PCDHGA11: variants seen among roughly 807,000 people sequenced by gnomAD.
PCDHGA11 encodes protocadherin gamma-A11.
A neutral mutation model predicts 60.4 loss-of-function variants in PCDHGA11; 39 were observed. The observed-to-expected ratio is 0.65, with a 90% CI of 0.50 to 0.84. The LOEUF is 0.84. Ranked by LOEUF, PCDHGA11 falls within the 40% of genes least tolerant of loss-of-function variation. The pLI, the probability that PCDHGA11 is intolerant of heterozygous loss-of-function variation, is 0.00. For synonymous variants in PCDHGA11, 533 were observed against 510.3 expected, an observed-to-expected ratio of 1.04 and a Z score of -0.60; for missense variants, 1,165 against 1,197.7, an observed-to-expected ratio of 0.97 and a Z score of 0.40.
Position 141,421,806 on chromosome 5 carries a change from A to G in PCDHGA11, c.579A>G (p.Pro193=). The G allele has an allele frequency of 6.2e-7, 1 of 1,613,842 alleles. No homozygotes were observed. The highest frequency in any genetic ancestry group is 8.5e-7 in the Non-Finnish European group (1 of 1,179,878). ...LRGRTDGAKN[P]ELVLEGSLDR... ...GCAGAACGGATGGGGCCAAGAATCC[A>G]GAGCTAGTACTGGAGGGAAGCCTGG... The change falls in exon 1 of 4, where the codon CCA becomes CCG. Residue 193 remains proline, a synonymous_variant. Transcript: ENST00000398587.
intron 1 of PCDHGA11, among the ~76,000 whole-genome samples, chr5:141,481,749 C>G (rs958851030): frequency 7.9e-5 from 12 of 151,976 alleles, no homozygotes; most frequent in African/African-American, 2.9e-4. Context: ...GTCAGGAGTC[C>G]AAGACCAGCC....
At position 141,432,232 on chromosome 5, in the gene PCDHGA11, G is replaced by A. The variant is rs766929605; in HGVS notation, c.2433+8572G>A. Reference sequence around the variant, plus strand: ...AGAACGCCCAGATCACTTATTCCCTGGCTGAGAACACCATCCAAGGGGCAA... The same window carrying A: ...AGAACGCCCAGATCACTTATTCCCTAGCTGAGAACACCATCCAAGGGGCAA... On this transcript the variant is annotated intron_variant, in intron 1 of 3. Coordinates refer to ENST00000398587, the MANE Select transcript of PCDHGA11 (RefSeq NM_018914.3). The surrounding 1 kb of genome is among the most constrained non-coding windows in gnomAD (Gnocchi z 6.0). The A allele has an allele frequency of 6.2e-7, 1 of 1,614,188 alleles. No homozygotes were observed. The highest frequency in any genetic ancestry group is 1.6e-4 in the Middle Eastern group (1 of 6,062).
intron 1 of PCDHGA11, among the ~76,000 whole-genome samples, chr5:141,473,343 T>C (rs1309426537): frequency 6.6e-6 from 1 of 152,218 alleles, no homozygotes; most frequent in Non-Finnish European, 1.5e-5. Flanking sequence ...TGCTAGACAG[T>C]GAGGATGCAA....
intron 1 of PCDHGA11, chr5:141,479,537 T>C (rs1299169562): frequency 6.6e-6 from 1 of 152,230 alleles, no homozygotes; most frequent in Non-Finnish European, 1.5e-5. Context: ...GTGGAGAAGG[T>C]CAAAACTGCT....
In PCDHGA11 at chr5:141,432,142, C is replaced by T; in HGVS notation, c.2433+8482C>T. 1 of 1,614,098 alleles carries T rather than the reference C, an allele frequency of 6.2e-7. No individual in the cohort carries two copies. Among genetic ancestry groups the T allele is most frequent in the Non-Finnish European group, 8.5e-7 (1 of 1,180,016 alleles). On this transcript the variant is annotated intron_variant, in intron 1 of 3. Transcript: ENST00000398587. This position sits in a 1 kb window ranked among gnomAD's most constrained non-coding sequence, Gnocchi z 6.0. Reference sequence around the variant, plus strand: ...CTCAGGCCTCCTATTCCGCTTATATCCCAGAGAACAATCCCAGAGGAGTTT... The same window carrying T: ...CTCAGGCCTCCTATTCCGCTTATATTCCAGAGAACAATCCCAGAGGAGTTT...
At chr5:141,436,104 G>A (rs368559994) in intron 1 of PCDHGA11, among the ~76,000 whole-genome samples, 10 of 152,086 alleles carry the variant, frequency 6.6e-5, no homozygotes, top group East Asian at 3.9e-4. Flanking sequence ...AGAAATAGAG[G>A]ACAATGAAAC....
In PCDHGA11 at chr5:141,431,538, A is replaced by G; in HGVS notation, c.2433+7878A>G. ...CCGGAGAATCTGGCCTTGGGCACGC[A>G]GCTGCTTGTAGTCAACGCTACCGAC... is the stretch of plus-strand genomic sequence containing the variant. On this transcript the variant is annotated intron_variant, in intron 1 of 3. Transcript: ENST00000398587. The surrounding 1 kb of genome is among the most constrained non-coding windows in gnomAD (Gnocchi z 4.8). The G allele has an allele frequency of 6.2e-7, 1 of 1,614,114 alleles. No individual in the cohort carries two copies. Among genetic ancestry groups the G allele is most frequent in the Non-Finnish European group, 8.5e-7 (1 of 1,180,024 alleles).
chr5:141,473,879 C>G (rs937312573), intron 1 of PCDHGA11, among the ~76,000 whole-genome samples: 2 of 152,120 alleles, frequency 1.3e-5, no homozygotes, highest in Admixed American at 1.3e-4. Context: ...AATGCATACA[C>G]AAGGGTTCTG....
At chr5:141,509,117 G>A (rs1271574654) in intron 3 of PCDHGA11, among the ~76,000 whole-genome samples, 1 of 152,150 alleles carries the variant, frequency 6.6e-6, no homozygotes, top group Admixed American at 6.5e-5. Flanking sequence ...GCGCTGGTGC[G>A]TGAAGAGAAA....
At chr5:141,450,986 G>A (rs950903600) in intron 1 of PCDHGA11, among the ~76,000 whole-genome samples, 15 of 151,310 alleles carry the variant, frequency 9.9e-5, no homozygotes, top group Non-Finnish European at 1.3e-4. Context: ...CACCACACCC[G>A]GCTAATTTTT....
Position 141,432,485 on chromosome 5 carries a change from G to C in PCDHGA11, c.2433+8825G>C. 6.2e-7 allele frequency: 1 copy of C among 1,614,186 alleles called. No individual in the cohort carries two copies. The highest frequency in any genetic ancestry group is 8.5e-7 in the Non-Finnish European group (1 of 1,180,040). On this transcript the variant is annotated intron_variant, in intron 1 of 3. Coordinates refer to ENST00000398587, the MANE Select transcript of PCDHGA11 (RefSeq NM_018914.3). The surrounding 1 kb of genome is among the most constrained non-coding windows in gnomAD (Gnocchi z 6.0). ...CCCCACGGACGGTTCCACTGGCGTG[G>C]AGCTGGCTCCCCGCTCCGCAGAGCC...
chr5:141,436,487 A>G (rs2097826897), intron 1 of PCDHGA11, among the ~76,000 whole-genome samples: 2 of 152,196 alleles, frequency 1.3e-5, no homozygotes, highest in Non-Finnish European at 2.9e-5. Context: ...GAAGGATAGC[A>G]GCTTTGCAAT....
chr5:141,428,523 T>G, intron 1 of PCDHGA11: 1 of 278,554 alleles, frequency 3.6e-6, no homozygotes, highest in Non-Finnish European at 7.1e-6. Context: ...AAAGAAGATT[T>G]AATTTTCTCA....
chr5:141,463,438 CTTTTTTTTTTTT>C (rs71576115), intron 1 of PCDHGA11, among the ~76,000 whole-genome samples: 6 of 103,254 alleles, frequency 5.8e-5, no homozygotes, highest in Admixed American at 3.1e-4. Flanking sequence ...TTTCCTTCTC[CTTTTTTTTTTTT>C]TTTTTTTTTT....
intron 2 of PCDHGA11, 54 bp from the exon 3 acceptor site, chr5:141,505,339 G>A: frequency 1.2e-6 from 2 of 1,612,236 alleles, no homozygotes; most frequent in Middle Eastern, 3.4e-4. Flanking sequence ...GACAGGAGGG[G>A]CATGAGCTGT....
At chr5:141,427,982 G>A in intron 1 of PCDHGA11, 1 of 1,596,754 alleles carries the variant, frequency 6.3e-7, no homozygotes, top group Non-Finnish European at 8.6e-7. Flanking sequence ...CCGCGCTGGG[G>A]CCCGATGGCT....
chr5:141,489,800 A>G lies in PCDHGA11; in HGVS notation c.2434-5007A>G. 6.2e-7 allele frequency: 1 copy of G among 1,614,166 alleles called. No homozygotes were observed. Among genetic ancestry groups the G allele is most frequent in the Non-Finnish European group, 8.5e-7 (1 of 1,179,994 alleles). On this transcript the variant is annotated intron_variant, in intron 1 of 3. Coordinates refer to ENST00000398587, the MANE Select transcript of PCDHGA11 (RefSeq NM_018914.3). This position sits in a 1 kb window ranked among gnomAD's most constrained non-coding sequence, Gnocchi z 4.5. ...TCTCTGAATGTGAAGACCCTAAAAG[A>G]TGGGAAGCCATTCCCAGAGCTGGTG...
At chr5:141,435,800 A>G (rs530461064) in intron 1 of PCDHGA11, among the ~76,000 whole-genome samples, 20 of 152,128 alleles carry the variant, frequency 1.3e-4, no homozygotes, top group Non-Finnish European at 2.6e-4. Flanking sequence ...ATAACGTCCC[A>G]ATTATTTTTT....
intron 1 of PCDHGA11, among the ~76,000 whole-genome samples, chr5:141,448,106 A>G (rs1308837314): frequency 1.3e-5 from 2 of 151,996 alleles, no homozygotes. Context: ...AAATTAAAAG[A>G]AAAGAAAATT....
Sources: gnomAD v4.1 joint callset for allele counts (sites outside exome capture counted in the v4.1 genomes callset) on GRCh38, gnomAD v4.1.1 for gene constraint, Gnocchi (gnomAD v3.1) non-coding constraint, MANE v1.5 for transcripts, NCBI Gene and HGNC (gene_info 2026-07-23, HGNC 2026-07-21) for gene names.